Variants in FHOD3 observed in about 807,000 individuals in gnomAD.
The protein encoded by FHOD3 is formin homology 2 domain containing 3.
A neutral mutation model predicts 173.0 loss-of-function variants in FHOD3; 90 were observed. The observed-to-expected ratio is 0.52, with a 90% CI of 0.44 to 0.62. The LOEUF (loss-of-function observed/expected upper bound fraction) is 0.62, where lower values mean the gene tolerates loss of function less well. Among genes scored for constraint, FHOD3 ranks in the 20% least tolerant of loss-of-function variants. The pLI, the probability that FHOD3 is intolerant of heterozygous loss-of-function variation, is 0.00. For missense variants in FHOD3, 1,945 were observed against 2,034.7 expected (o/e 0.96, Z 0.85); for synonymous variants, 828 against 823.0 (o/e 1.01, Z -0.10).
At chr18:36,541,587 A>T (rs2147114128) in intron 5 of FHOD3, among the ~76,000 whole-genome samples, 1 of 152,340 alleles carries the variant, frequency 6.6e-6, no homozygotes, top group South Asian at 2.1e-4. Context: ...CAATTTTAGC[A>T]ATCAAAAATC....
chr18:36,736,281 G>A (rs1207125753), intron 20 of FHOD3, among the ~76,000 whole-genome samples: 1 of 152,238 alleles, frequency 6.6e-6, no homozygotes, highest in East Asian at 1.9e-4. Flanking sequence ...TGTTAGCTTT[G>A]CCATCATGGA....
chr18:36,677,010 A>G (rs910057400), intron 14 of FHOD3, among the ~76,000 whole-genome samples: 2 of 152,144 alleles, frequency 1.3e-5, no homozygotes, highest in African/African-American at 4.8e-5. Flanking sequence ...AATATATGCA[A>G]ATTTATCAAA....
At chr18:36,461,654 A>G (rs1015490918) in intron 3 of FHOD3, among the ~76,000 whole-genome samples, 1 of 152,186 alleles carries the variant, frequency 6.6e-6, no homozygotes, top group Non-Finnish European at 1.5e-5. Context: ...TAGCCTGGGA[A>G]TGCATCCAAC....
chr18:36,708,086 TA>T (rs1440167205), intron 17 of FHOD3, among the ~76,000 whole-genome samples: 2 of 152,036 alleles, frequency 1.3e-5, no homozygotes, highest in South Asian at 2.1e-4. Context: ...TAAATAAAAA[TA>T]AAAAAATTTT....
intron 2 of FHOD3, among the ~76,000 whole-genome samples, chr18:36,357,210 T>C (rs968566618): frequency 6.6e-6 from 1 of 152,238 alleles, no homozygotes; most frequent in African/African-American, 2.4e-5. Flanking sequence ...CAGTATGTAC[T>C]GATGGCTTCC....
At chr18:36,314,463 G>A (rs1047363704) in intron 1 of FHOD3, among the ~76,000 whole-genome samples, 1 of 152,224 alleles carries the variant, frequency 6.6e-6, no homozygotes, top group Admixed American at 6.5e-5. Flanking sequence ...GGTGATGTGA[G>A]CAGTAATGGA....
chr18:36,582,929 T>C (rs932093231), intron 6 of FHOD3, among the ~76,000 whole-genome samples: 1 of 152,226 alleles, frequency 6.6e-6, no homozygotes, highest in Non-Finnish European at 1.5e-5. Flanking sequence ...GATTCACGTT[T>C]AAATTCAGGG....
intron 3 of FHOD3, among the ~76,000 whole-genome samples, chr18:36,421,861 G>A (rs2050002160): frequency 6.6e-6 from 1 of 152,140 alleles, no homozygotes; most frequent in African/African-American, 2.4e-5. Flanking sequence ...GGTACCTGAA[G>A]AAAGAGACCT....
chr18:36,396,007 G>A (rs191226465), intron 3 of FHOD3, among the ~76,000 whole-genome samples: 78 of 152,210 alleles, frequency 5.1e-4, no homozygotes, highest in Non-Finnish European at 8.5e-4. Flanking sequence ...AATTTTGCAC[G>A]TTAACAGTTT....
At chr18:36,566,562 G>A (rs187299552) in intron 5 of FHOD3, among the ~76,000 whole-genome samples, 120 of 152,250 alleles carry the variant, frequency 7.9e-4, no homozygotes, top group African/African-American at 2.7e-3. Flanking sequence ...CAAGCAAGAC[G>A]GAACCAGAAG....
intron 28 of FHOD3, among the ~76,000 whole-genome samples, chr18:36,777,182 A>ACTT (rs200302533): frequency 1.4e-5 from 2 of 147,352 alleles, no homozygotes; most frequent in African/African-American, 5.0e-5. Context: ...AGCATGAACT[A>ACTT]CTTCTTCTTC....
intron 14 of FHOD3, among the ~76,000 whole-genome samples, chr18:36,678,551 AGAAAGAAAG>A (rs1568594020): frequency 8.2e-6 from 1 of 121,698 alleles, no homozygotes; most frequent in Non-Finnish European, 1.9e-5. Flanking sequence ...AAAAAAAAGA[AGAAAGAAAG>A]AAAGAAAGAA....
chr18:36,437,384 T>A (rs890697971), intron 3 of FHOD3, among the ~76,000 whole-genome samples: 1 of 152,188 alleles, frequency 6.6e-6, no homozygotes, highest in Non-Finnish European at 1.5e-5. Context: ...TGATCTTCTA[T>A]ATCGATTGGC....
chr18:36,567,165 G>A (rs2058295111), intron 5 of FHOD3, among the ~76,000 whole-genome samples: 1 of 152,210 alleles, frequency 6.6e-6, no homozygotes, highest in Non-Finnish European at 1.5e-5. Flanking sequence ...AAATCCTTCA[G>A]TCCTGCTTCC....
intron 16 of FHOD3, among the ~76,000 whole-genome samples, chr18:36,690,860 C>A (rs150993847): frequency 6.6e-6 from 1 of 152,222 alleles, no homozygotes; most frequent in Admixed American, 6.5e-5. Context: ...CCAGACTCTT[C>A]TCATCTTATA....
At chr18:36,725,199 G>A (rs1443299798) in intron 19 of FHOD3, among the ~76,000 whole-genome samples, 1 of 152,188 alleles carries the variant, frequency 6.6e-6, no homozygotes, top group Non-Finnish European at 1.5e-5. Flanking sequence ...ACTTGCTGAG[G>A]AAGAGGGCAG....
intron 3 of FHOD3, among the ~76,000 whole-genome samples, chr18:36,464,044 A>C (rs1300100074): frequency 2.0e-5 from 3 of 152,196 alleles, no homozygotes; most frequent in African/African-American, 7.2e-5. Flanking sequence ...TTGCAATGAG[A>C]TTAAATAGGA....
At chr18:36,619,204 C>A (rs2033496326) in intron 9 of FHOD3, among the ~76,000 whole-genome samples, 1 of 152,182 alleles carries the variant, frequency 6.6e-6, no homozygotes, top group African/African-American at 2.4e-5. Flanking sequence ...CCCCAAAGAA[C>A]CTCCATTCTT....
chr18:36,627,661 T>G (rs1327289464), intron 10 of FHOD3, among the ~76,000 whole-genome samples: 20 of 152,340 alleles, frequency 1.3e-4, no homozygotes, highest in Non-Finnish European at 5.9e-5. Flanking sequence ...CTATCTAGAT[T>G]GATGATTATG....
Sources: allele counts gnomAD v4.1 joint callset (sites outside exome capture counted in the v4.1 genomes callset), GRCh38; gene constraint gnomAD v4.1.1; transcripts MANE v1.5; gene names NCBI Gene and HGNC (gene_info 2026-07-23, HGNC 2026-07-21).